FHIT: variants seen among roughly 807,000 people sequenced by gnomAD.
FHIT encodes the protein fragile histidine triad diadenosine triphosphatase, also known as bis(5'-adenosyl)-triphosphatase.
Under a neutral mutation model 17.9 loss-of-function variants are expected in FHIT, and 19 were observed. The ratio of observed to expected loss-of-function variants is 1.06; its 90% CI spans 0.74 to 1.56. The LOEUF (loss-of-function observed/expected upper bound fraction) is 1.56, where lower values mean the gene tolerates loss of function less well. Ranked by LOEUF, FHIT falls within the 40% of genes most tolerant of loss-of-function variation. The pLI is 0.00. For missense variants in FHIT, 248 were observed against 189.2 expected (o/e 1.31, Z -1.82); for synonymous variants, 81 against 69.7 (o/e 1.16, Z -0.81).
chr3:60,119,583 GAATT>G (rs775907277), intron 5 of FHIT, among the ~76,000 whole-genome samples: 58 of 152,100 alleles, frequency 3.8e-4, no homozygotes, highest in Non-Finnish European at 7.5e-4. Context: ...GGTTTTCTAT[GAATT>G]AATTTTGTCC....
intron 3 of FHIT, among the ~76,000 whole-genome samples, chr3:60,837,493 T>C (rs1553744052): frequency 6.6e-6 from 1 of 152,180 alleles, no homozygotes; most frequent in African/African-American, 2.4e-5. Context: ...TCTATTGTTA[T>C]ATTGAAAGTG....
chr3:60,538,290 G>A (rs1368121327), intron 4 of FHIT, among the ~76,000 whole-genome samples: 3 of 152,090 alleles, frequency 2.0e-5, no homozygotes, highest in African/African-American at 7.2e-5. Flanking sequence ...AAATAAAAGA[G>A]GACACAAACA....
At chr3:61,170,025 T>C in intron 2 of FHIT, among the ~76,000 whole-genome samples, 1 of 152,180 alleles carries the variant, frequency 6.6e-6, no homozygotes, top group East Asian at 1.9e-4. Flanking sequence ...CTTAAAAAGA[T>C]TATTGCTAAA....
chr3:61,017,013 CT>C (rs150387944), intron 3 of FHIT, among the ~76,000 whole-genome samples: 3,210 of 152,064 alleles, frequency 0.021, 72 homozygotes, highest in African/African-American at 0.05. Context: ...GAGGCTGGGC[CT>C]GGTGGCTCAC....
chr3:60,351,236 C>A (rs528390305), intron 5 of FHIT, among the ~76,000 whole-genome samples: 1 of 152,214 alleles, frequency 6.6e-6, no homozygotes. Context: ...TGTTAATTAA[C>A]TGTATCACTA....
intron 4 of FHIT, among the ~76,000 whole-genome samples, chr3:60,598,208 G>A (rs550439886): frequency 2.4e-4 from 36 of 152,136 alleles, no homozygotes; most frequent in African/African-American, 8.7e-4. Flanking sequence ...TAAAGAGAGG[G>A]CATTTTCCAG....
chr3:60,440,338 G>T lies in FHIT; in HGVS notation c.103+96522C>A, dbSNP rs958290392. On this transcript the variant is annotated intron_variant, in intron 5 of 9. Transcript: ENST00000492590. Reference sequence around the variant, plus strand: ...TGTCATTCTGAGTGCCCTGTTACCCGTCTCTATCTGGAAGATGGTATATAA... The same window carrying T: ...TGTCATTCTGAGTGCCCTGTTACCCTTCTCTATCTGGAAGATGGTATATAA... Among the ~76,000 whole-genome samples, 3 of 151,968 alleles carry T rather than the reference G, an allele frequency of 2.0e-5. No homozygotes were observed. The South Asian group carries it at 6.2e-4, about 32-fold the overall frequency.
intron 8 of FHIT, among the ~76,000 whole-genome samples, chr3:59,829,069 T>C (rs187633204): frequency 6.6e-6 from 1 of 152,334 alleles, no homozygotes; most frequent in East Asian, 1.9e-4. Flanking sequence ...TTATTTTACA[T>C]GTATATGGTA....
At chr3:60,388,391 G>A (rs370071085) in intron 5 of FHIT, among the ~76,000 whole-genome samples, 1 of 152,120 alleles carries the variant, frequency 6.6e-6, no homozygotes, top group African/African-American at 2.4e-5. Context: ...CTTGAGTCCA[G>A]GAGTACGAGA....
chr3:60,847,866 T>C (rs7630746), intron 3 of FHIT, among the ~76,000 whole-genome samples: 2,372 of 152,300 alleles, frequency 0.016, 68 homozygotes, highest in African/African-American at 0.054. Flanking sequence ...TATTTCTTTA[T>C]GGGAATAAAG....
intron 5 of FHIT, among the ~76,000 whole-genome samples, chr3:60,529,517 C>A (rs903407639): frequency 6.6e-6 from 1 of 152,196 alleles, no homozygotes; most frequent in Non-Finnish European, 1.5e-5. Flanking sequence ...TTACATGACA[C>A]TTCTTATAAA....
chr3:60,914,515 A>G (rs1428325553), intron 3 of FHIT, among the ~76,000 whole-genome samples: 2 of 148,354 alleles, frequency 1.3e-5, no homozygotes, highest in East Asian at 2.0e-4. Context: ...AAGGTTTTCA[A>G]AAAAAAAAAA....
At chr3:60,129,872 G>A (rs1485161197) in intron 5 of FHIT, among the ~76,000 whole-genome samples, 1 of 152,030 alleles carries the variant, frequency 6.6e-6, no homozygotes, top group Non-Finnish European at 1.5e-5. Flanking sequence ...TCTTCTTAAT[G>A]ATGCTTAGAT....
In FHIT at chr3:60,555,306, A is replaced by G. The variant is rs955159154; in HGVS notation, c.-17-18327T>C. 2.0e-5 allele frequency among the ~76,000 whole-genome samples: 3 copies of G among 152,222 alleles called. No homozygotes were observed. The South Asian group carries it at 6.2e-4, about 32-fold the overall frequency. On this transcript the variant is annotated intron_variant, in intron 4 of 9. Transcript: ENST00000492590. Reference sequence around the variant, plus strand: ...TGTCCCCACTAAAGCCAGTATGGCCAGACTTTACTGTAGCTGAGAGGTTCT... The same window carrying G: ...TGTCCCCACTAAAGCCAGTATGGCCGGACTTTACTGTAGCTGAGAGGTTCT...
At chr3:61,115,920 A>T (rs1000036003) in intron 2 of FHIT, among the ~76,000 whole-genome samples, 33 of 152,192 alleles carry the variant, frequency 2.2e-4, no homozygotes, top group Admixed American at 1.6e-3. Flanking sequence ...AAACAGCCAG[A>T]TGACTCTGAA....
chr3:60,608,507 G>A (rs1291993776), intron 4 of FHIT, among the ~76,000 whole-genome samples: 1 of 152,162 alleles, frequency 6.6e-6, no homozygotes, highest in Non-Finnish European at 1.5e-5. Context: ...TCTCTGGGGT[G>A]CTACATGGGT....
intron 5 of FHIT, among the ~76,000 whole-genome samples, chr3:60,450,050 T>C (rs1285576837): frequency 1.4e-5 from 2 of 146,250 alleles, no homozygotes; most frequent in African/African-American, 5.0e-5. Flanking sequence ...ATGAAAATGG[T>C]AGACCTATAT....
chr3:60,849,239 G>A (rs960279267), intron 3 of FHIT, among the ~76,000 whole-genome samples: 2 of 151,780 alleles, frequency 1.3e-5, no homozygotes, highest in African/African-American at 4.8e-5. Flanking sequence ...GAGAGAATGA[G>A]AATGAAAGCA....
intron 4 of FHIT, among the ~76,000 whole-genome samples, chr3:60,760,971 G>T (rs1031275857): frequency 2.0e-5 from 3 of 152,076 alleles, no homozygotes; most frequent in African/African-American, 7.2e-5. Flanking sequence ...CATTTAGCCT[G>T]TTGGGCTCCG....
Sources: gnomAD v4.1 joint callset for allele counts (sites outside exome capture counted in the v4.1 genomes callset) on GRCh38, gnomAD v4.1.1 for gene constraint, MANE v1.5 for transcripts, NCBI Gene and HGNC (gene_info 2026-07-23, HGNC 2026-07-21) for gene names.